The following MCTP2 variants were observed in gnomAD, a reference collection of about 807,000 sequenced individuals.
The protein encoded by MCTP2 is multiple C2 and transmembrane domain-containing protein 2.
A neutral mutation model predicts 111.6 loss-of-function variants in MCTP2; 132 were observed. The observed-to-expected ratio is 1.18, with a 90% confidence interval of 1.03 to 1.37. The LOEUF is 1.37. MCTP2 is among the 40% of genes most tolerant of loss of function. MCTP2 has a pLI of 0.00. For synonymous variants in MCTP2, 395 were observed against 387.7 expected, an observed-to-expected ratio of 1.02 and a Z score of -0.22; for missense variants, 1,183 against 1,067.9, an observed-to-expected ratio of 1.11 and a Z score of -1.50.
intron 20 of MCTP2, among the ~76,000 whole-genome samples, chr15:94,466,432 A>AG (rs2073307678): frequency 2.6e-5 from 4 of 152,044 alleles, no homozygotes; most frequent in Non-Finnish European, 4.4e-5. Context: ...TCCTTTCTTA[A>AG]ATTTTTTTGC....
At chr15:94,261,666 G>A (rs538385150) in intron 1 of MCTP2, among the ~76,000 whole-genome samples, 1 of 152,306 alleles carries the variant, frequency 6.6e-6, no homozygotes, top group South Asian at 2.1e-4. Context: ...GGCATATGTA[G>A]TTGATGTTTT....
intron 4 of MCTP2, among the ~76,000 whole-genome samples, chr15:94,317,789 T>G (rs931742712): frequency 6.6e-6 from 1 of 152,240 alleles, no homozygotes; most frequent in South Asian, 2.1e-4. Context: ...TCCTTTTTTT[T>G]CTTAAAATTT....
intron 13 of MCTP2, among the ~76,000 whole-genome samples, chr15:94,384,400 G>T (rs113040789): frequency 2.0e-5 from 3 of 152,048 alleles, no homozygotes; most frequent in African/African-American, 7.2e-5. Flanking sequence ...ATATTTCTAG[G>T]TTAATTCATT....
intron 4 of MCTP2, among the ~76,000 whole-genome samples, chr15:94,329,418 A>G (rs141326437): frequency 0.036 from 5,473 of 152,268 alleles, 329 homozygotes; most frequent in African/African-American, 0.12. Flanking sequence ...GCCGTCATTG[A>G]CGCATGGTTC....
intron 7 of MCTP2, chr15:94,343,283 G>A (rs1249258417): frequency 2.0e-5 from 3 of 152,166 alleles, no homozygotes; most frequent in African/African-American, 7.2e-5. Flanking sequence ...TATTTAAAGA[G>A]ATTTTTATAT....
At position 94,354,247 on chromosome 15, in the gene MCTP2, G is replaced by A. The variant is rs111502934; in HGVS notation, c.1006-1890G>A. On this transcript the variant is annotated intron_variant, in intron 8 of 22. Coordinates refer to ENST00000357742, the MANE Select transcript of MCTP2 (RefSeq NM_001385001.1). ...ACCTGCAGAACCTATGTGTGTGTGT[G>A]TGTCTGTGTGTTTTAAGAGAAAAGT... Among the ~76,000 whole-genome samples, 492 of 152,208 alleles carry A rather than the reference G, an allele frequency of 3.2e-3. 1 individual carries two copies. Among genetic ancestry groups the A allele is most frequent in the African/African-American group, 9.5e-3 (393 of 41,520 alleles).
chr15:94,320,139 A>G (rs2076560023), intron 4 of MCTP2, among the ~76,000 whole-genome samples: 1 of 117,370 alleles, frequency 8.5e-6, no homozygotes, highest in Non-Finnish European at 1.7e-5. Flanking sequence ...TAGTTTATTA[A>G]TCTTTTTTTT....
At chr15:94,254,240 C>T (rs1000324533) in intron 1 of MCTP2, among the ~76,000 whole-genome samples, 1 of 152,116 alleles carries the variant, frequency 6.6e-6, no homozygotes, top group South Asian at 2.1e-4. Context: ...TATACAGTGT[C>T]TCTTCAGGTT....
intron 14 of MCTP2, 78 bp from the exon 15 acceptor site, chr15:94,398,883 A>G (rs2081410180): frequency 1.2e-6 from 1 of 814,862 alleles, no homozygotes; most frequent in Admixed American, 2.3e-5. Context: ...CAATTTTGCC[A>G]AAGTTAGTTT....
intron 1 of MCTP2, among the ~76,000 whole-genome samples, chr15:94,243,137 GGA>G (rs1491285331): frequency 4.1e-5 from 6 of 146,074 alleles, no homozygotes; most frequent in African/African-American, 7.5e-5. Context: ...CTACGGGTGT[GGA>G]TATATTTATA....
intron 10 of MCTP2, among the ~76,000 whole-genome samples, chr15:94,362,751 A>T (rs1452775931): frequency 6.6e-6 from 1 of 152,226 alleles, no homozygotes; most frequent in Non-Finnish European, 1.5e-5. Context: ...AATGAATAAG[A>T]GGTTAAAAGC....
chr15:94,482,231 T>G lies in MCTP2; in HGVS notation c.*3197T>G, dbSNP rs769636129. On this transcript the variant is annotated 3_prime_UTR_variant, in exon 23 of 23. Coordinates refer to ENST00000357742, the MANE Select transcript of MCTP2 (RefSeq NM_001385001.1). ...CATGCTCAGATTTAAGTTTGAAAAA[T>G]ATTCTAGCTGCAATGGATAGCCTAG... 1 of 152,208 alleles carries G rather than the reference T, an allele frequency of 6.6e-6. No homozygotes were observed. Among genetic ancestry groups the G allele is most frequent in the African/African-American group, 2.4e-5 (1 of 41,448 alleles). 9.4% of individuals were successfully genotyped at this position (152,208 alleles called of 1,614,324 possible). A position where few individuals can be genotyped will look rare whatever the true frequency, so the allele number is the denominator to read the frequency against.
At chr15:94,375,555 C>A (rs1012105994) in intron 12 of MCTP2, among the ~76,000 whole-genome samples, 1 of 152,012 alleles carries the variant, frequency 6.6e-6, no homozygotes, top group Non-Finnish European at 1.5e-5. Flanking sequence ...TTTTTGGCAC[C>A]CTTTGCCATT....
intron 8 of MCTP2, among the ~76,000 whole-genome samples, chr15:94,345,776 T>C (rs1303263357): frequency 1.3e-5 from 2 of 152,226 alleles, no homozygotes; most frequent in Non-Finnish European, 2.9e-5. Context: ...ATGTGAAAAT[T>C]AGTGTAAAAA....
chr15:94,243,700 T>C (rs1041792611), intron 1 of MCTP2, among the ~76,000 whole-genome samples: 1 of 132,974 alleles, frequency 7.5e-6, no homozygotes, highest in Non-Finnish European at 1.6e-5. Context: ...TACATATGCG[T>C]ATATACACAT....
chr15:94,372,690 A>G (rs142776924), intron 12 of MCTP2, among the ~76,000 whole-genome samples: 34 of 152,070 alleles, frequency 2.2e-4, no homozygotes, highest in African/African-American at 2.4e-4. Context: ...TTTCTACTCT[A>G]TGCCTTCCAT....
At chr15:94,383,983 T>C (rs748657779) in intron 12 of MCTP2, 39 bp from the exon 13 acceptor site, 1 of 1,429,022 alleles carries the variant, frequency 7.0e-7, no homozygotes, top group Non-Finnish European at 9.9e-7. Flanking sequence ...CCTTTCGAGA[T>C]TCACTTGTCT....
At chr15:94,259,550 A>C (rs1347729983) in intron 1 of MCTP2, among the ~76,000 whole-genome samples, 1 of 152,232 alleles carries the variant, frequency 6.6e-6, no homozygotes, top group Non-Finnish European at 1.5e-5. Flanking sequence ...TGTAGTAGTT[A>C]TATATCCCAT....
In MCTP2 at chr15:94,390,117, T is replaced by C. The variant is rs369911985; in HGVS notation, c.1788+4592T>C. Among the ~76,000 whole-genome samples, 3 of 48,318 alleles carry C rather than the reference T, an allele frequency of 6.2e-5. 1 individual carries two copies. The highest frequency in any genetic ancestry group is 9.0e-4 in the South Asian group (2 of 2,214). The allele number at this position is 48,318 out of a possible 152,430, so 31.7% of individuals were successfully genotyped here. On this transcript the variant is annotated intron_variant, in intron 14 of 22. Transcript: ENST00000357742. ...ATATATATATATATATATATATGTA[T>C]ATATATATATATATACTTAGATGTT...
Sources: allele counts gnomAD v4.1 joint callset (sites outside exome capture counted in the v4.1 genomes callset), GRCh38; gene constraint gnomAD v4.1.1; transcripts MANE v1.5; gene names NCBI Gene and HGNC (gene_info 2026-07-23, HGNC 2026-07-21).